Variants in RIN3 observed in about 807,000 individuals in gnomAD.
RIN3 encodes the protein RAB5 interacting protein 3.
RIN3 carries 54 observed loss-of-function variants against 76.3 expected under a neutral mutation model. That is an observed-to-expected ratio of 0.71 (90% CI 0.57 to 0.89). The LOEUF (loss-of-function observed/expected upper bound fraction) is 0.89, where lower values mean the gene tolerates loss of function less well. Ranked by LOEUF, RIN3 falls within the 40% of genes least tolerant of loss-of-function variation. The probability of loss-of-function intolerance (pLI) is 0.00; values close to 1 mark genes in which losing one functional copy is unlikely to be tolerated. For missense variants in RIN3, 1,256 were observed against 1,322.1 expected (o/e 0.95, Z 0.78); for synonymous variants, 576 against 564.0 (o/e 1.02, Z -0.30).
intron 7 of RIN3, among the ~76,000 whole-genome samples, chr14:92,669,895 T>C (rs966974359): frequency 1.3e-5 from 2 of 151,846 alleles, no homozygotes; most frequent in Non-Finnish European, 2.9e-5. Context: ...AGAAAAAAAT[T>C]TGCTAGCCCC....
intron 7 of RIN3, among the ~76,000 whole-genome samples, chr14:92,664,591 C>T (rs1224280850): frequency 1.3e-5 from 2 of 151,878 alleles, no homozygotes; most frequent in East Asian, 1.9e-4. Context: ...AGGATGGTCT[C>T]GATCTCCTGA....
At chr14:92,666,038 A>ACCTCCACCACTGACCTACTT (rs147915516) in intron 7 of RIN3, among the ~76,000 whole-genome samples, 3,832 of 151,190 alleles carry the variant, frequency 0.025, 157 homozygotes, top group African/African-American at 0.086. Context: ...AGTCCCGCCT[A>ACCTCCACCACTGACCTACTT]CCTCCACCAC....
At chr14:92,579,391 A>G (rs1898367373) in intron 3 of RIN3, among the ~76,000 whole-genome samples, 1 of 152,280 alleles carries the variant, frequency 6.6e-6, no homozygotes, top group African/African-American at 2.4e-5. Context: ...GCCTATGCCC[A>G]GGAATGAACA....
intron 2 of RIN3, among the ~76,000 whole-genome samples, chr14:92,571,064 C>G (rs1048658808): frequency 2.0e-5 from 3 of 152,210 alleles, no homozygotes; most frequent in Admixed American, 1.3e-4. Flanking sequence ...TGAGTCTTGG[C>G]CGGTCAAAGG....
chr14:92,615,490 C>A lies in RIN3; in HGVS notation c.440+11C>A. ...CTACTGTGTCAGTAGGTGAGTAGACCCGGCCCTGCAGGAGGTTATCTGGTT... is the reference window on the plus strand; with the variant it reads ...CTACTGTGTCAGTAGGTGAGTAGACACGGCCCTGCAGGAGGTTATCTGGTT... On this transcript the variant is annotated intron_variant, in intron 4 of 9. Coordinates refer to ENST00000216487, the MANE Select transcript of RIN3 (RefSeq NM_024832.5). 6.2e-7 allele frequency: 1 copy of A among 1,610,864 alleles called. No individual in the cohort carries two copies. The highest frequency in any genetic ancestry group is 8.5e-7 in the Non-Finnish European group (1 of 1,177,048).
At chr14:92,588,217 T>G (rs1344738071) in intron 3 of RIN3, among the ~76,000 whole-genome samples, 4 of 21,386 alleles carry the variant, frequency 1.9e-4, no homozygotes, top group Non-Finnish European at 5.6e-4. Context: ...TAGCACTCTT[T>G]TTTTTTTTTT....
intron 6 of RIN3, among the ~76,000 whole-genome samples, chr14:92,657,990 C>G (rs1290165260): frequency 6.6e-6 from 1 of 152,112 alleles, no homozygotes; most frequent in East Asian, 1.9e-4. Flanking sequence ...TTACTCAGCC[C>G]GTAACCAAGA....
chr14:92,555,615 T>A, intron 1 of RIN3, 136 bp from the exon 2 acceptor site: 1 of 748,204 alleles, frequency 1.3e-6, no homozygotes, highest in Non-Finnish European at 2.2e-6. Context: ...GGTTTGTTGA[T>A]TTTTTTTTAA....
intron 1 of RIN3, among the ~76,000 whole-genome samples, chr14:92,546,985 T>A (rs912864417): frequency 3.6e-5 from 4 of 110,898 alleles, no homozygotes; most frequent in African/African-American, 1.2e-4. Context: ...TAAAATTATT[T>A]TTATTTTATT....
chr14:92,571,408 C>A (rs1439195389), intron 2 of RIN3, among the ~76,000 whole-genome samples: 1 of 152,228 alleles, frequency 6.6e-6, no homozygotes, highest in Admixed American at 6.5e-5. Context: ...GCAGAAGTTG[C>A]AGTTGCAGGC....
In RIN3 at chr14:92,536,848, A is replaced by C. The variant is rs543322090; in HGVS notation, c.45-18903A>C. Among the ~76,000 whole-genome samples, 4 of 130,408 alleles carry C rather than the reference A, an allele frequency of 3.1e-5. No individual in the cohort carries two copies. The South Asian group carries it at 9.0e-4, about 29-fold the overall frequency. The allele number at this position is 130,408 out of a possible 152,430, so 85.6% of individuals were successfully genotyped here. A position where few individuals can be genotyped will look rare whatever the true frequency, so the allele number is the denominator to read the frequency against. On this transcript the variant is annotated intron_variant, in intron 1 of 9. Transcript: ENST00000216487. Reference sequence around the variant, plus strand: ...ATGTCTTGGTTTCTTCCTCTCTAAAATGGGAATGATAACCGAGTAACCTTA... The same window carrying C: ...ATGTCTTGGTTTCTTCCTCTCTAAACTGGGAATGATAACCGAGTAACCTTA...
At chr14:92,628,883 C>A (rs923199917) in intron 4 of RIN3, among the ~76,000 whole-genome samples, 1 of 151,914 alleles carries the variant, frequency 6.6e-6, no homozygotes, top group African/African-American at 2.4e-5. Context: ...GGGGAGTGAC[C>A]CCAGCCAATT....
chr14:92,624,457 A>C (rs1886282975), intron 4 of RIN3, among the ~76,000 whole-genome samples: 1 of 152,202 alleles, frequency 6.6e-6, no homozygotes, highest in South Asian at 2.1e-4. Context: ...CAATTCCTTT[A>C]GTAAAATGGA....
At chr14:92,641,174 T>C in intron 4 of RIN3, 64 bp from the exon 5 acceptor site, 4 of 1,276,150 alleles carry the variant, frequency 3.1e-6, no homozygotes, top group Non-Finnish European at 4.6e-6. Flanking sequence ...GGCTCTTCCT[T>C]TGTGGAGGCT....
At chr14:92,559,434 C>T (rs1897698784) in intron 2 of RIN3, among the ~76,000 whole-genome samples, 1 of 152,140 alleles carries the variant, frequency 6.6e-6, no homozygotes, top group African/African-American at 2.4e-5. Context: ...GCAGGAGAGA[C>T]ATAAAAGTAA....
chr14:92,581,990 G>C (rs571809211), intron 3 of RIN3, among the ~76,000 whole-genome samples: 15 of 152,290 alleles, frequency 9.8e-5, no homozygotes, highest in Middle Eastern at 6.8e-3. Flanking sequence ...GACAGCACCC[G>C]GGGGATGGTG....
At chr14:92,673,459 T>A (rs1239122720) in intron 7 of RIN3, among the ~76,000 whole-genome samples, 5 of 151,788 alleles carry the variant, frequency 3.3e-5, no homozygotes, top group South Asian at 2.1e-4. Context: ...CAGTATTTTT[T>A]AAAAAATAAA....
At chr14:92,684,385 C>CAAAAA (rs35113092) in intron 8 of RIN3, among the ~76,000 whole-genome samples, 41 of 115,820 alleles carry the variant, frequency 3.5e-4, no homozygotes, top group African/African-American at 1.0e-3. Flanking sequence ...CAGACTTAGA[C>CAAAAA]AAAAAAAAAA....
At chr14:92,544,594 G>T (rs1375985723) in intron 1 of RIN3, among the ~76,000 whole-genome samples, 2 of 152,190 alleles carry the variant, frequency 1.3e-5, no homozygotes, top group Non-Finnish European at 2.9e-5. Context: ...TGGTCATGGG[G>T]ACAGGGCACT....
Sources: allele counts gnomAD v4.1 joint callset (sites outside exome capture counted in the v4.1 genomes callset), GRCh38; gene constraint gnomAD v4.1.1; transcripts MANE v1.5; gene names NCBI Gene and HGNC (gene_info 2026-07-23, HGNC 2026-07-21).